GPC5: variants seen among roughly 807,000 people sequenced by gnomAD.
The protein encoded by GPC5 is glypican 5.
In GPC5, 47 loss-of-function variants were observed where a neutral mutation model predicts 53.9. That is an observed-to-expected ratio of 0.87 (90% confidence interval 0.69 to 1.11). The LOEUF (loss-of-function observed/expected upper bound fraction) is 1.11, where lower values mean the gene tolerates loss of function less well. Among genes scored for constraint, GPC5 ranks in the 50% most tolerant of loss-of-function variants. The pLI, the probability that GPC5 is intolerant of heterozygous loss-of-function variation, is 0.00. For synonymous variants in GPC5, 286 were observed against 263.3 expected, an observed-to-expected ratio of 1.09 and a Z score of -0.84; for missense variants, 748 against 713.1, an observed-to-expected ratio of 1.05 and a Z score of -0.56.
intron 7 of GPC5, among the ~76,000 whole-genome samples, chr13:92,155,563 C>A (rs1446654428): frequency 6.6e-6 from 1 of 152,016 alleles, no homozygotes; most frequent in Non-Finnish European, 1.5e-5. Flanking sequence ...CTCAGGAGCA[C>A]CTATTTTTCG....
chr13:92,071,782 A>AT lies in GPC5; in HGVS notation c.1402-73040dup, dbSNP rs537438808. Among the ~76,000 whole-genome samples, 4 of 149,792 alleles carry AT rather than the reference A, an allele frequency of 2.7e-5. No homozygotes were observed. The South Asian group carries it at 6.3e-4, about 24-fold the overall frequency. ...ATGTTTTTTCAAGAGAAAAGACACA[A>AT]TTTTTTTTATCCAATGTGCCTTTAA... On this transcript the variant is annotated intron_variant, in intron 6 of 7. Coordinates refer to ENST00000377067, the MANE Select transcript of GPC5 (RefSeq NM_004466.6).
chr13:91,662,349 T>C lies in GPC5; in HGVS notation c.326-30838T>C, dbSNP rs74324931. 5.4e-3 allele frequency among the ~76,000 whole-genome samples: 816 copies of C among 152,322 alleles called. 12 individuals carry two copies. The highest frequency in any genetic ancestry group is 0.019 in the African/African-American group (778 of 41,562). Reference sequence around the variant, plus strand: ...ATGATGAGGACTGAAATTCACCAACTGATTTGGCAATCAAATGGAAGTCAC... The same window carrying C: ...ATGATGAGGACTGAAATTCACCAACCGATTTGGCAATCAAATGGAAGTCAC... On this transcript the variant is annotated intron_variant, in intron 2 of 7. Transcript: ENST00000377067.
At chr13:92,521,226 C>T (rs1307798581) in intron 7 of GPC5, among the ~76,000 whole-genome samples, 2 of 152,086 alleles carry the variant, frequency 1.3e-5, no homozygotes, top group Non-Finnish European at 2.9e-5. Flanking sequence ...GAGTCGATGC[C>T]ATCCCCATCG....
At chr13:91,450,147 A>T (rs935800870) in intron 2 of GPC5, among the ~76,000 whole-genome samples, 10 of 152,172 alleles carry the variant, frequency 6.6e-5, no homozygotes, top group Non-Finnish European at 1.3e-4. Context: ...AGAAAGCGTG[A>T]AATGTCAGAT....
At chr13:92,345,380 A>G (rs1160651859) in intron 7 of GPC5, among the ~76,000 whole-genome samples, 1 of 152,130 alleles carries the variant, frequency 6.6e-6, no homozygotes, top group Non-Finnish European at 1.5e-5. Context: ...AACAACCCAC[A>G]CATAGTAGTA....
At chr13:91,678,823 A>C (rs995734786) in intron 2 of GPC5, among the ~76,000 whole-genome samples, 1 of 152,006 alleles carries the variant, frequency 6.6e-6, no homozygotes, top group African/African-American at 2.4e-5. Context: ...AATTTGAGAA[A>C]CTGCAAGTTC....
chr13:92,151,129 A>G (rs1240482080), intron 7 of GPC5, among the ~76,000 whole-genome samples: 1 of 152,116 alleles, frequency 6.6e-6, no homozygotes, highest in Non-Finnish European at 1.5e-5. Context: ...TAATGACTTC[A>G]GTCCCTCTAA....
intron 7 of GPC5, among the ~76,000 whole-genome samples, chr13:92,862,558 T>C (rs976076387): frequency 6.6e-6 from 1 of 152,020 alleles, no homozygotes; most frequent in South Asian, 2.1e-4. Flanking sequence ...TATATAGATA[T>C]ATAGATATTT....
At chr13:92,031,809 T>C (rs868671933) in intron 6 of GPC5, among the ~76,000 whole-genome samples, 1 of 106,828 alleles carries the variant, frequency 9.4e-6, no homozygotes, top group African/African-American at 4.0e-5. Context: ...TAATATATAA[T>C]ATATTACATA....
chr13:92,554,877 C>T (rs1234873834), intron 7 of GPC5, among the ~76,000 whole-genome samples: 2 of 149,920 alleles, frequency 1.3e-5, no homozygotes, highest in Non-Finnish European at 3.0e-5. Flanking sequence ...GTTAAATCTA[C>T]AATTAATGGA....
At chr13:92,409,382 A>G (rs1875945027) in intron 7 of GPC5, among the ~76,000 whole-genome samples, 1 of 152,050 alleles carries the variant, frequency 6.6e-6, no homozygotes, top group Admixed American at 6.6e-5. Context: ...AATCCCAATG[A>G]AAAAATGAAT....
intron 7 of GPC5, among the ~76,000 whole-genome samples, chr13:92,310,400 C>T (rs1437903931): frequency 2.0e-5 from 3 of 152,110 alleles, no homozygotes; most frequent in Non-Finnish European, 4.4e-5. Flanking sequence ...TTACTCAATT[C>T]TCTGTTTATT....
chr13:92,726,493 G>A (rs1888652639), intron 7 of GPC5, among the ~76,000 whole-genome samples: 1 of 151,480 alleles, frequency 6.6e-6, no homozygotes, highest in South Asian at 2.1e-4. Flanking sequence ...CCTGAGTTAA[G>A]TGATTCTGCC....
intron 1 of GPC5, among the ~76,000 whole-genome samples, chr13:91,412,286 G>A (rs1464012709): frequency 6.6e-6 from 1 of 152,184 alleles, no homozygotes; most frequent in Non-Finnish European, 1.5e-5. Flanking sequence ...TCTGTTCTTA[G>A]CCCTTGCTAG....
At chr13:92,698,175 T>G (rs1887614874) in intron 7 of GPC5, among the ~76,000 whole-genome samples, 1 of 151,966 alleles carries the variant, frequency 6.6e-6, no homozygotes, top group Non-Finnish European at 1.5e-5. Context: ...TTTCTTTTTT[T>G]TTAATTATAC....
intron 7 of GPC5, among the ~76,000 whole-genome samples, chr13:92,417,684 A>G (rs111694059): frequency 1.1e-4 from 16 of 152,196 alleles, no homozygotes; most frequent in African/African-American, 3.6e-4. Context: ...GCCAACCTGG[A>G]CAACATGGAG....
At chr13:92,089,044 A>G (rs2138892689) in intron 6 of GPC5, among the ~76,000 whole-genome samples, 1 of 152,368 alleles carries the variant, frequency 6.6e-6, no homozygotes, top group South Asian at 2.1e-4. Context: ...ATTAACATTT[A>G]TAGAGGAATG....
At chr13:92,398,747 A>C (rs1219614584) in intron 7 of GPC5, among the ~76,000 whole-genome samples, 2 of 152,214 alleles carry the variant, frequency 1.3e-5, no homozygotes, top group Non-Finnish European at 2.9e-5. Context: ...TATTTCTTCG[A>C]ATAAAACCTT....
At chr13:92,508,127 C>A (rs954746674) in intron 7 of GPC5, among the ~76,000 whole-genome samples, 2 of 152,030 alleles carry the variant, frequency 1.3e-5, no homozygotes, top group African/African-American at 4.8e-5. Flanking sequence ...CCATGCTGGG[C>A]TAATTTTTTG....
Sources: gnomAD v4.1 joint callset for allele counts (sites outside exome capture counted in the v4.1 genomes callset) on GRCh38, gnomAD v4.1.1 for gene constraint, MANE v1.5 for transcripts, NCBI Gene and HGNC (gene_info 2026-07-23, HGNC 2026-07-21) for gene names.